LRRTM4: variants seen among roughly 807,000 people sequenced by gnomAD.
LRRTM4 encodes leucine-rich repeat transmembrane neuronal protein 4.
LRRTM4 carries 25 observed loss-of-function variants against 47.6 expected under a neutral mutation model. The ratio of observed to expected loss-of-function variants is 0.53; its 90% CI spans 0.38 to 0.73. LRRTM4 has a LOEUF of 0.73. Ranked by LOEUF, LRRTM4 falls within the 30% of genes least tolerant of loss-of-function variation. The pLI, the probability that LRRTM4 is intolerant of heterozygous loss-of-function variation, is 0.00. For synonymous variants in LRRTM4, 311 were observed against 269.5 expected (o/e 1.15, Z -1.51); for missense variants, 638 against 713.4 (o/e 0.89, Z 1.20).
chr2:77,309,753 C>T (rs1343012983), intron 3 of LRRTM4, among the ~76,000 whole-genome samples: 9 of 151,988 alleles, frequency 5.9e-5, no homozygotes, highest in East Asian at 1.9e-4. Flanking sequence ...GCTAAAAGCA[C>T]GAGAAATATC....
chr2:76,988,751 C>T (rs1676897618), intron 3 of LRRTM4, among the ~76,000 whole-genome samples: 1 of 151,612 alleles, frequency 6.6e-6, no homozygotes, highest in Non-Finnish European at 1.5e-5. Flanking sequence ...GGTCCTCCTC[C>T]ACCCCCACCC....
At chr2:76,886,579 C>A (rs1037454141) in intron 3 of LRRTM4, among the ~76,000 whole-genome samples, 12 of 151,768 alleles carry the variant, frequency 7.9e-5, no homozygotes, top group African/African-American at 2.4e-4. Flanking sequence ...TATTTTATTA[C>A]CTGGAAAATC....
At chr2:76,819,301 C>T (rs182988688) in intron 3 of LRRTM4, among the ~76,000 whole-genome samples, 2 of 151,730 alleles carry the variant, frequency 1.3e-5, no homozygotes, top group Admixed American at 6.6e-5. Context: ...GATGAGGAAA[C>T]TGAATCATGG....
chr2:77,141,201 A>G (rs1468667730), intron 3 of LRRTM4, among the ~76,000 whole-genome samples: 1 of 152,238 alleles, frequency 6.6e-6, no homozygotes, highest in African/African-American at 2.4e-5. Flanking sequence ...TATTCACAAT[A>G]ACAAATACTT....
chr2:77,150,210 A>C (rs1672378676), intron 3 of LRRTM4, among the ~76,000 whole-genome samples: 1 of 152,214 alleles, frequency 6.6e-6, no homozygotes, highest in African/African-American at 2.4e-5. Context: ...TAAGATTATA[A>C]TTAAAGGACT....
intron 3 of LRRTM4, among the ~76,000 whole-genome samples, chr2:76,909,972 T>C (rs528973250): frequency 6.6e-6 from 1 of 152,246 alleles, no homozygotes; most frequent in Non-Finnish European, 1.5e-5. Context: ...GAAATACCAT[T>C]TGACCCAGCC....
chr2:77,286,259 TATCTC>T (rs1676654857), intron 3 of LRRTM4, among the ~76,000 whole-genome samples: 1 of 152,038 alleles, frequency 6.6e-6, no homozygotes, highest in South Asian at 2.1e-4. Context: ...TCTTCATACT[TATCTC>T]AGTCAATAAT....
At chr2:77,133,377 A>T (rs557940227) in intron 3 of LRRTM4, among the ~76,000 whole-genome samples, 1 of 152,184 alleles carries the variant, frequency 6.6e-6, no homozygotes, top group African/African-American at 2.4e-5. Flanking sequence ...TTTGCTGTCT[A>T]TGCCTAAATC....
intron 3 of LRRTM4, among the ~76,000 whole-genome samples, chr2:77,254,700 C>T (rs1236689187): frequency 6.6e-6 from 1 of 151,800 alleles, no homozygotes; most frequent in Non-Finnish European, 1.5e-5. Flanking sequence ...GTTTTCTCTA[C>T]TTCAGTTGAG....
In LRRTM4 at chr2:76,749,208, C is replaced by T. The variant is rs144499498; in HGVS notation, c.1552-292G>A. 3.7e-3 allele frequency among the ~76,000 whole-genome samples: 561 copies of T among 151,996 alleles called. 6 individuals are homozygous for T. Among genetic ancestry groups the T allele is most frequent in the African/African-American group, 0.013 (527 of 41,462 alleles). ...AGAAAGTTAGAAACAACCTAAATGC[C>T]CAGGGAATTTTAAAATTGATTATGT... is the stretch of plus-strand genomic sequence containing the variant. On this transcript the variant is annotated intron_variant, in intron 3 of 3. Coordinates refer to ENST00000409884, the MANE Select transcript of LRRTM4 (RefSeq NM_001134745.3).
At chr2:76,894,090 G>C (rs17013302) in intron 3 of LRRTM4, among the ~76,000 whole-genome samples, 14,500 of 151,966 alleles carry the variant, frequency 0.095, 1,147 homozygotes, top group East Asian at 0.41. Flanking sequence ...ACCACTGTAC[G>C]ATGTTAAAAA....
intron 3 of LRRTM4, among the ~76,000 whole-genome samples, chr2:77,343,209 A>G (rs1671438886): frequency 6.6e-6 from 1 of 151,972 alleles, no homozygotes; most frequent in African/African-American, 2.4e-5. Flanking sequence ...GACACAGGTA[A>G]AGATATTTTT....
At chr2:77,000,335 T>C (rs1348833) in intron 3 of LRRTM4, among the ~76,000 whole-genome samples, 10,004 of 151,712 alleles carry the variant, frequency 0.066, 747 homozygotes, top group African/African-American at 0.18. Context: ...TTAGTAATTG[T>C]GTGGTCTTCT....
intron 3 of LRRTM4, among the ~76,000 whole-genome samples, chr2:77,017,364 A>G (rs1168142343): frequency 6.6e-6 from 1 of 152,236 alleles, no homozygotes; most frequent in African/African-American, 2.4e-5. Context: ...AACTCCTTTT[A>G]TAGAACAAAT....
intron 3 of LRRTM4, among the ~76,000 whole-genome samples, chr2:76,833,889 T>C (rs1671429743): frequency 2.0e-5 from 3 of 151,742 alleles, no homozygotes; most frequent in South Asian, 4.1e-4. Flanking sequence ...GTATTTTCTA[T>C]CTTAACTTTT....
chr2:77,115,037 C>T (rs202109155), intron 3 of LRRTM4, among the ~76,000 whole-genome samples: 6 of 152,050 alleles, frequency 3.9e-5, no homozygotes, highest in Non-Finnish European at 7.4e-5. Context: ...GAGACCAGGG[C>T]GTATTTCAGT....
chr2:76,887,096 C>G (rs1183597023), intron 3 of LRRTM4, among the ~76,000 whole-genome samples: 1 of 151,534 alleles, frequency 6.6e-6, no homozygotes, highest in African/African-American at 2.4e-5. Context: ...CGAGAATGCA[C>G]AGAAATATCT....
chr2:77,224,013 T>G (rs1040693387), intron 3 of LRRTM4, among the ~76,000 whole-genome samples: 7 of 151,604 alleles, frequency 4.6e-5, no homozygotes, highest in Non-Finnish European at 7.4e-5. Flanking sequence ...AAAACAGAGA[T>G]ATAGACCAAT....
intron 3 of LRRTM4, among the ~76,000 whole-genome samples, chr2:76,876,181 A>C (rs2104079772): frequency 6.6e-6 from 1 of 152,268 alleles, no homozygotes; most frequent in East Asian, 1.9e-4. Context: ...TAAGAGCAAC[A>C]AATAAGATTT....
Sources: allele counts gnomAD v4.1 joint callset (sites outside exome capture counted in the v4.1 genomes callset), GRCh38; gene constraint gnomAD v4.1.1; transcripts MANE v1.5; gene names NCBI Gene and HGNC (gene_info 2026-07-23, HGNC 2026-07-21).